Variants in MAP7D2 observed in about 807,000 individuals in gnomAD.
The protein encoded by MAP7D2 is MAP7 domain containing 2, also known as MAP7 domain-containing protein 2.
Under a neutral mutation model 63.5 loss-of-function variants are expected in MAP7D2, and 33 were observed. The ratio of observed to expected loss-of-function variants is 0.52; its 90% CI spans 0.39 to 0.70. The LOEUF is 0.70. Among genes scored for constraint, MAP7D2 ranks in the 30% least tolerant of loss-of-function variants. MAP7D2 has a pLI of 0.00. For missense variants in MAP7D2, 626 were observed against 604.0 expected (o/e 1.04, Z -0.38); for synonymous variants, 224 against 223.7 (o/e 1.00, Z -0.01).
chrX:20,060,330 G>T (rs1368172892), intron 3 of MAP7D2, among the ~76,000 whole-genome samples: 1 of 109,321 alleles, frequency 9.1e-6, no homozygotes, highest in African/African-American at 3.3e-5. Context: ...CATTACATGT[G>T]TTCTGGGGAT....
At chrX:20,082,261 G>A (rs1420781404) in intron 1 of MAP7D2, among the ~76,000 whole-genome samples, 1 of 112,549 alleles carries the variant, frequency 8.9e-6, no homozygotes, top group Non-Finnish European at 1.9e-5. Flanking sequence ...GGGAGCAGTG[G>A]CTCATGCCTG....
At chrX:20,068,474 G>A (rs764957159) in intron 1 of MAP7D2, among the ~76,000 whole-genome samples, 2 of 112,251 alleles carry the variant, frequency 1.8e-5, no homozygotes, top group Admixed American at 1.9e-4. Flanking sequence ...CAAACATTTT[G>A]AGAATATCCA....
chrX:20,044,888 G>T (rs2064754351), intron 6 of MAP7D2, among the ~76,000 whole-genome samples: 2 of 111,585 alleles, frequency 1.8e-5, no homozygotes, highest in African/African-American at 6.5e-5. Flanking sequence ...GCTTATAAGG[G>T]TGGCCCTTGG....
chrX:20,058,763 T>A (rs912918831), intron 3 of MAP7D2, among the ~76,000 whole-genome samples: 2 of 112,033 alleles, frequency 1.8e-5, no homozygotes, highest in African/African-American at 6.5e-5. Context: ...AAATAGATGA[T>A]AAGCAAGTTC....
intron 1 of MAP7D2, among the ~76,000 whole-genome samples, chrX:20,101,383 A>G (rs985701274): frequency 2.7e-5 from 3 of 112,233 alleles, no homozygotes; most frequent in African/African-American, 9.7e-5. Flanking sequence ...TATAAGAAAA[A>G]ATCGAATATC....
chrX:20,048,993 G>A (rs942918143), intron 6 of MAP7D2, among the ~76,000 whole-genome samples: 1 of 109,525 alleles, frequency 9.1e-6, no homozygotes, highest in Non-Finnish European at 1.9e-5. Context: ...ATACAATTTG[G>A]AGGTTTTGCT....
intron 9 of MAP7D2, 129 bp from the exon 10 acceptor site, chrX:20,025,212 C>T (rs2073795651): frequency 1.3e-6 from 1 of 757,985 alleles, no homozygotes; most frequent in Admixed American, 3.8e-5. Flanking sequence ...AAATGCCGTC[C>T]AGACTAGCAC....
At chrX:20,114,727 T>C (rs1273195569) in intron 1 of MAP7D2, among the ~76,000 whole-genome samples, 1 of 112,203 alleles carries the variant, frequency 8.9e-6, no homozygotes, top group Non-Finnish European at 1.9e-5. Context: ...CACAAAATTG[T>C]TGGACAGCCT....
chrX:20,029,223 G>A (rs1241535139), intron 8 of MAP7D2, among the ~76,000 whole-genome samples: 1 of 112,264 alleles, frequency 8.9e-6, no homozygotes, highest in Non-Finnish European at 1.9e-5. Flanking sequence ...ACATGACTCC[G>A]ACCACAAGGG....
chrX:20,029,219 C>T (rs929446732), intron 8 of MAP7D2, among the ~76,000 whole-genome samples: 3 of 112,374 alleles, frequency 2.7e-5, no homozygotes, highest in Non-Finnish European at 5.6e-5. Flanking sequence ...GCAGACATGA[C>T]TCCGACCACA....
chrX:20,025,633 C>A, intron 9 of MAP7D2, 48 bp downstream of exon 9: 1 of 1,197,342 alleles, frequency 8.4e-7, no homozygotes, highest in Non-Finnish European at 1.1e-6. Context: ...TGGATTGGGT[C>A]TGAGGAGAAC....
Position 20,116,832 on chromosome X carries a change from C to A in MAP7D2, c.48G>T (p.Gly16=). The part of the protein sequence containing the change: ...GGSGTGSRPE[G]TARGTSLPGK... The stretch of plus-strand genomic sequence containing the variant: ...CTGGGAGAGAGGTTCCCCGCGCAGT[C>A]CCCTCAGGCCGGGATCCCGTCCCGG... Residue 16 remains glycine (G), a synonymous_variant, in exon 1 of 17, where the codon GGG becomes GGT. Coordinates refer to ENST00000379643, the MANE Select transcript of MAP7D2 (RefSeq NM_001168465.2). The A allele has an allele frequency of 8.5e-7, 1 of 1,173,286 alleles. No individual in the cohort carries two copies. Among genetic ancestry groups the A allele is most frequent in the South Asian group, 1.9e-5 (1 of 51,991 alleles).
rs867325881 is a variant in MAP7D2, at chrX:20,094,513, T to C, written c.130+22237A>G. ...ATATATATATATATATATATATATA[T>C]ATGTATATATATATATATATATATA... is the stretch of plus-strand genomic sequence containing the variant. On this transcript the variant is annotated intron_variant, in intron 1 of 16. Transcript: ENST00000379643. Among the ~76,000 whole-genome samples, 13 of 6,019 alleles carry C rather than the reference T, an allele frequency of 2.2e-3. 1 individual carries two copies. Among genetic ancestry groups the C allele is most frequent in the African/African-American group, 8.6e-3 (6 of 698 alleles). The allele number at this position is 6,019 out of a possible 115,157, so 5.2% of individuals were successfully genotyped here.
At chrX:20,038,379 G>T (rs139193201) in intron 8 of MAP7D2, among the ~76,000 whole-genome samples, 11 of 111,632 alleles carry the variant, frequency 9.9e-5, no homozygotes, top group South Asian at 3.8e-4. Context: ...GGAATTCACT[G>T]GTCTTAACAT....
intron 1 of MAP7D2, among the ~76,000 whole-genome samples, chrX:20,103,851 G>C (rs1471883977): frequency 2.7e-5 from 3 of 111,237 alleles, no homozygotes; most frequent in African/African-American, 9.8e-5. Flanking sequence ...CTTGAATTAA[G>C]AGCCATTTGC....
chrX:20,106,988 GAA>G (rs1158456187), intron 1 of MAP7D2, among the ~76,000 whole-genome samples: 1 of 88,534 alleles, frequency 1.1e-5, no homozygotes, highest in African/African-American at 4.1e-5. Flanking sequence ...CCTCTACAAA[GAA>G]AAAAAAAAAA....
intron 1 of MAP7D2, among the ~76,000 whole-genome samples, chrX:20,084,879 G>A: frequency 9.0e-6 from 1 of 111,480 alleles, no homozygotes; most frequent in Non-Finnish European, 1.9e-5. Context: ...GGCCAGTAGG[G>A]CTGTATCTAA....
At chrX:20,018,524 C>T (rs1374966202) in intron 10 of MAP7D2, among the ~76,000 whole-genome samples, 1 of 103,976 alleles carries the variant, frequency 9.6e-6, no homozygotes, top group Non-Finnish European at 2.0e-5. Context: ...CTCACTACAA[C>T]CTCTGCCTCC....
chrX:20,019,976 C>T (rs1423021008), intron 10 of MAP7D2, among the ~76,000 whole-genome samples: 2 of 111,888 alleles, frequency 1.8e-5, no homozygotes, highest in East Asian at 2.8e-4. Flanking sequence ...AATTGCATTC[C>T]GGCCTTTTAA....
Sources: allele counts gnomAD v4.1 joint callset (sites outside exome capture counted in the v4.1 genomes callset), GRCh38; gene constraint gnomAD v4.1.1; transcripts MANE v1.5; gene names NCBI Gene and HGNC (gene_info 2026-07-23, HGNC 2026-07-21).